LYRM7: variants seen among roughly 807,000 people sequenced by gnomAD.
LYRM7 encodes the protein complex III assembly factor LYRM7.
LYRM7 carries 9 observed loss-of-function variants against 15.8 expected under a neutral mutation model. The ratio of observed to expected loss-of-function variants is 0.57; its 90% confidence interval spans 0.34 to 0.99. The LOEUF is 0.99. Ranked by LOEUF, LYRM7 falls within the 50% of genes least tolerant of loss-of-function variation. LYRM7 has a pLI of 0.02. For missense variants in LYRM7, 115 were observed against 119.1 expected (o/e 0.97, Z 0.16); for synonymous variants, 39 against 39.4 (o/e 0.99, Z 0.04).
chr5:131,198,158 A>AT (rs1183727372), intron 4 of LYRM7, among the ~76,000 whole-genome samples: 1 of 152,062 alleles, frequency 6.6e-6, no homozygotes, highest in Admixed American at 6.6e-5. Context: ...CTTAGAGTAT[A>AT]TTTTTTTAAG....
chr5:131,188,407 T>C (rs1386968764), intron 4 of LYRM7, among the ~76,000 whole-genome samples: 1 of 127,398 alleles, frequency 7.8e-6, no homozygotes, highest in African/African-American at 3.1e-5. Flanking sequence ...ACAAGCCACA[T>C]GTAAAAAAAA....
chr5:131,178,381 G>A (rs909208863), intron 1 of LYRM7, among the ~76,000 whole-genome samples: 1 of 152,104 alleles, frequency 6.6e-6, no homozygotes, highest in East Asian at 1.9e-4. Context: ...AAGTTTCCAC[G>A]ACAAGAGTAA....
At position 131,202,033 on chromosome 5, in the gene LYRM7, T is replaced by C. The variant is rs1756078614; in HGVS notation, c.*2432T>C. ...ATTTTTAGTAAGGACAAGGTCTCAT[T>C]ATGTTGGCCAGGCTGGTCTCAAATT... On this transcript the variant is annotated 3_prime_UTR_variant, in exon 5 of 5. Transcript: ENST00000379380. The C allele has an allele frequency of 6.6e-6, 1 of 151,900 alleles. No individual in the cohort carries two copies. Among genetic ancestry groups the C allele is most frequent in the Non-Finnish European group, 1.5e-5 (1 of 67,986 alleles). 9.4% of individuals were successfully genotyped at this position (151,900 alleles called of 1,614,324 possible).
At position 131,203,088 on chromosome 5, in the gene LYRM7, A is replaced by G. The variant is rs1293927382; in HGVS notation, c.*3487A>G. The G allele has an allele frequency of 1.3e-5, 2 of 152,350 alleles. No homozygotes were observed. Among genetic ancestry groups the G allele is most frequent in the Admixed American group, 6.5e-5 (1 of 15,272 alleles). The allele number at this position is 152,350 out of a possible 1,614,324, so 9.4% of individuals were successfully genotyped here. On this transcript the variant is annotated 3_prime_UTR_variant, in exon 5 of 5. Transcript: ENST00000379380. ...AAGAATATGTGGAATTTCTATACCT[A>G]TTGACAAAGCACATAATTTAACCAT...
intron 4 of LYRM7, among the ~76,000 whole-genome samples, chr5:131,191,492 C>G (rs1471349917): frequency 6.6e-6 from 1 of 152,062 alleles, no homozygotes; most frequent in African/African-American, 2.4e-5. Context: ...TCTTTTTCTT[C>G]CATTCAAATA....
chr5:131,187,115 TA>T lies in LYRM7; in HGVS notation c.244+10del, dbSNP rs747395150. The T allele has an allele frequency of 4.9e-5, 72 of 1,454,728 alleles. No homozygotes were observed. The highest frequency in any genetic ancestry group is 6.6e-5 in the Non-Finnish European group (70 of 1,060,756). 90.1% of individuals were successfully genotyped at this position (1,454,728 alleles called of 1,614,324 possible). ...CACAGACCACAATACACTGAGTAAG[TA>T]AAATTAAAGAAAAATGGTTTCTAAC... On this transcript the variant is annotated splice_region_variant and intron_variant, in intron 4 of 4. Coordinates refer to ENST00000379380, the MANE Select transcript of LYRM7 (RefSeq NM_181705.4).
intron 4 of LYRM7, among the ~76,000 whole-genome samples, chr5:131,190,726 G>A (rs928627300): frequency 6.6e-6 from 1 of 151,052 alleles, no homozygotes. Flanking sequence ...CCTGACCTCA[G>A]GTGATCCACC....
chr5:131,191,305 C>T (rs1189955861), intron 4 of LYRM7, among the ~76,000 whole-genome samples: 1 of 151,706 alleles, frequency 6.6e-6, no homozygotes, highest in Non-Finnish European at 1.5e-5. Context: ...TATACTGTCA[C>T]GTAGAAATGA....
intron 3 of LYRM7, among the ~76,000 whole-genome samples, chr5:131,183,883 T>C (rs1468361280): frequency 6.6e-6 from 1 of 152,236 alleles, no homozygotes; most frequent in Non-Finnish European, 1.5e-5. Flanking sequence ...TTTTATTATA[T>C]GTTAAAAAGT....
chr5:131,198,444 T>A (rs1354319374), intron 4 of LYRM7, among the ~76,000 whole-genome samples: 1 of 152,188 alleles, frequency 6.6e-6, no homozygotes, highest in East Asian at 1.9e-4. Context: ...CATGATGTTT[T>A]GAAAAGTATA....
Position 131,199,792 on chromosome 5 carries a change from T to C in LYRM7, c.*191T>C. The C allele has an allele frequency of 2.6e-6, 1 of 378,032 alleles. No homozygotes were observed. The highest frequency in any genetic ancestry group is 4.8e-6 in the Non-Finnish European group (1 of 209,448). The allele number at this position is 378,032 out of a possible 1,614,324, so 23.4% of individuals were successfully genotyped here. ...ACTAAAGAACATAATTAAGTATTTCTAAAGGAAATTAGATAAGAAAACATT... is the reference window on the plus strand; with the variant it reads ...ACTAAAGAACATAATTAAGTATTTCCAAAGGAAATTAGATAAGAAAACATT... On this transcript the variant is annotated 3_prime_UTR_variant, in exon 5 of 5. Coordinates refer to ENST00000379380, the MANE Select transcript of LYRM7 (RefSeq NM_181705.4).
At chr5:131,196,704 G>A (rs78285926) in intron 4 of LYRM7, among the ~76,000 whole-genome samples, 23,216 of 150,668 alleles carry the variant, frequency 0.15, 1,950 homozygotes, top group African/African-American at 0.22. Context: ...GTCTAGCTCT[G>A]TCGCCCAGGC....
At chr5:131,191,348 A>G (rs972399794) in intron 4 of LYRM7, among the ~76,000 whole-genome samples, 2 of 152,156 alleles carry the variant, frequency 1.3e-5, no homozygotes, top group African/African-American at 4.8e-5. Context: ...TGTTTAGAAA[A>G]TGGAAAGTTG....
At chr5:131,179,251 G>A (rs1375727554) in intron 1 of LYRM7, among the ~76,000 whole-genome samples, 1 of 151,868 alleles carries the variant, frequency 6.6e-6, no homozygotes, top group Non-Finnish European at 1.5e-5. Context: ...TTGTAAATAA[G>A]GCTAAAAATG....
chr5:131,188,949 C>T (rs1379752767), intron 4 of LYRM7, among the ~76,000 whole-genome samples: 1 of 150,604 alleles, frequency 6.6e-6, no homozygotes, highest in Non-Finnish European at 1.5e-5. Flanking sequence ...GAGTTCAAGA[C>T]GAGCCTGGGC....
chr5:131,183,850 A>G (rs1335651877), intron 3 of LYRM7, among the ~76,000 whole-genome samples: 4 of 152,172 alleles, frequency 2.6e-5, no homozygotes, highest in Admixed American at 6.5e-5. Flanking sequence ...ATATATATTG[A>G]TTAATTCATT....
At chr5:131,176,164 C>G (rs1755599493) in intron 1 of LYRM7, among the ~76,000 whole-genome samples, 1 of 152,214 alleles carries the variant, frequency 6.6e-6, no homozygotes, top group African/African-American at 2.4e-5. Context: ...TCTACTTTTT[C>G]ACTATTATGA....
At position 131,205,251 on chromosome 5, in the gene LYRM7, CA is replaced by C; in HGVS notation, c.*5656del. ...TACTTTTACCAAGTGTGTATGTATT[CA>C]AAAAACAGTTGTTTTGTGATTTTAA... On this transcript the variant is annotated 3_prime_UTR_variant, in exon 5 of 5. Coordinates refer to ENST00000379380, the MANE Select transcript of LYRM7 (RefSeq NM_181705.4). 1 of 152,144 alleles carries C rather than the reference CA, an allele frequency of 6.6e-6. No homozygotes were observed. Among genetic ancestry groups the C allele is most frequent in the Non-Finnish European group, 1.5e-5 (1 of 67,984 alleles). 9.4% of individuals were successfully genotyped at this position (152,144 alleles called of 1,614,324 possible). A position where few individuals can be genotyped will look rare whatever the true frequency, so the allele number is the denominator to read the frequency against.
chr5:131,186,743 G>A (rs532550948), intron 3 of LYRM7, among the ~76,000 whole-genome samples: 1 of 152,292 alleles, frequency 6.6e-6, no homozygotes, highest in South Asian at 2.1e-4. Flanking sequence ...GGATATGCTG[G>A]ACAAATAAAT....
Sources: allele counts gnomAD v4.1 joint callset (sites outside exome capture counted in the v4.1 genomes callset), GRCh38; gene constraint gnomAD v4.1.1; transcripts MANE v1.5; gene names NCBI Gene and HGNC (gene_info 2026-07-23, HGNC 2026-07-21).